Variants in FSD1 observed in about 807,000 individuals in gnomAD.
FSD1 encodes fibronectin type III and SPRY domain containing 1.
Under a neutral mutation model 58.2 loss-of-function variants are expected in FSD1, and 23 were observed. That is an observed-to-expected ratio of 0.40 (90% confidence interval 0.28 to 0.56). The LOEUF is 0.56. FSD1 is among the 20% of genes least tolerant of loss of function. The pLI, the probability that FSD1 is intolerant of heterozygous loss-of-function variation, is 0.54. For synonymous variants in FSD1, 265 were observed against 263.4 expected (o/e 1.01, Z -0.06); for missense variants, 563 against 670.8 (o/e 0.84, Z 1.78).
chr19:4,315,768 C>T (rs763710675), intron 7 of FSD1, among the ~76,000 whole-genome samples: 11 of 151,970 alleles, frequency 7.2e-5, no homozygotes, highest in Non-Finnish European at 1.3e-4. Context: ...CCCGCCACCA[C>T]ACCTGGCTAA....
At chr19:4,319,032 T>C in intron 10 of FSD1, 81 bp downstream of exon 10, 6 of 1,127,520 alleles carry the variant, frequency 5.3e-6, no homozygotes, top group Non-Finnish European at 6.7e-6. Flanking sequence ...ACCTTTGCCT[T>C]TGGCTGCGGA....
chr19:4,305,060 G>A (rs113411470), intron 1 of FSD1, among the ~76,000 whole-genome samples: 8 of 93,120 alleles, frequency 8.6e-5, no homozygotes, highest in African/African-American at 2.9e-4. Context: ...CCGCGGACCA[G>A]GCGTCCCGGC....
At chr19:4,317,158 T>TTC (rs1280091782) in intron 7 of FSD1, 24 bp from the exon 8 acceptor site, 3 of 1,350,716 alleles carry the variant, frequency 2.2e-6, no homozygotes, top group Admixed American at 3.4e-5. Flanking sequence ...TACACAGTGT[T>TTC]GAAATGCCTC....
intron 10 of FSD1, among the ~76,000 whole-genome samples, chr19:4,322,484 C>T (rs1050687023): frequency 5.4e-5 from 8 of 147,882 alleles, no homozygotes; most frequent in South Asian, 2.2e-4. Flanking sequence ...TAGCAGGAAC[C>T]GAGGAGTATC....
chr19:4,312,754 T>C (rs554958084), intron 7 of FSD1, among the ~76,000 whole-genome samples: 1 of 147,876 alleles, frequency 6.8e-6, no homozygotes. Flanking sequence ...GCAGTGAGCC[T>C]AGATTGCGCC....
Position 4,306,320 on chromosome 19 carries a change from C to G in FSD1, c.234C>G (p.Tyr78Ter). The G allele has an allele frequency of 6.2e-7, 1 of 1,613,844 alleles. No homozygotes were observed. Among genetic ancestry groups the G allele is most frequent in the South Asian group, 1.1e-5 (1 of 91,056 alleles). ...KIKQDRASRT[Y>*]ELQNQLAACT... ...AACAGGACCGTGCCAGCCGTACCTA[C>G]GAGCTGCAGGTGAGGGCTGAGGGCA... Residue 78 changes from tyrosine (Y) to a stop codon, truncating the protein, a stop_gained, in exon 3 of 13, where the codon TAC becomes TAG. Transcript: ENST00000221856. LOFTEE classifies it high-confidence loss of function.
rs1297693493 is a variant in FSD1, at chr19:4,318,486, C to G, written c.940C>G (p.Pro314Ala). 2 of 1,609,836 alleles carry G rather than the reference C, an allele frequency of 1.2e-6. No individual in the cohort carries two copies. Among genetic ancestry groups the G allele is most frequent in the African/African-American group, 2.7e-5 (2 of 74,842 alleles). ...EKDGKGRTAS[P>A]INSPARGTPS... ...AGATGGCAAGGGGCGGACGGCGTCT[C>G]CCATCAACTCCCCAGCCAGGTAGCC... The change falls in exon 9 of 13, where the codon CCC (proline) becomes GCC (alanine). Residue 314 changes from proline to alanine, a missense_variant. Physicochemically the swap from Pro to Ala is conservative, Grantham distance 27. Transcript: ENST00000221856.
rs988721919 is a variant in FSD1, at chr19:4,308,596, G to A, written c.345+613G>A. Among the ~76,000 whole-genome samples the A allele has an allele frequency of 5.3e-5, 8 of 152,130 alleles. 1 individual carries two copies. Among genetic ancestry groups the A allele is most frequent in the Admixed American group, 3.9e-4 (6 of 15,254 alleles). On this transcript the variant is annotated intron_variant, in intron 4 of 12. Coordinates refer to ENST00000221856, the MANE Select transcript of FSD1 (RefSeq NM_024333.3). ...TAATTGGCCAGGCACAGGGGCTCATGCCTGTAATCCCAGCACTTTGGGAGG... is the reference window on the plus strand; with the variant it reads ...TAATTGGCCAGGCACAGGGGCTCATACCTGTAATCCCAGCACTTTGGGAGG...
intron 2 of FSD1, 24 bp from the exon 3 acceptor site, chr19:4,306,174 C>T: frequency 6.2e-7 from 1 of 1,613,760 alleles, no homozygotes; most frequent in Non-Finnish European, 8.5e-7. Flanking sequence ...CGGGCTTTGG[C>T]CGATTCTGGC....
chr19:4,307,772 G>A (rs1971638574), intron 3 of FSD1, 110 bp from the exon 4 acceptor site: 3 of 719,146 alleles, frequency 4.2e-6, no homozygotes, highest in Non-Finnish European at 6.8e-6. Flanking sequence ...TCTCTCACCT[G>A]GAGTTCGAGA....
At position 4,311,958 on chromosome 19, in the gene FSD1, C is replaced by A; in HGVS notation, c.607C>A (p.Arg203=). The change falls in exon 7 of 13, where the codon CGG becomes AGG. Residue 203 remains arginine, a synonymous_variant. Coordinates refer to ENST00000221856, the MANE Select transcript of FSD1 (RefSeq NM_024333.3). The part of the protein sequence containing the change: ...SKIDHYVLEY[R]RTNFEGPPRL... ...GATTGACCACTACGTGCTGGAGTAC[C>A]GGCGGACCAACTTCGAGGGCCCGCC... 1 of 1,613,076 alleles carries A rather than the reference C, an allele frequency of 6.2e-7. No homozygotes were observed. The highest frequency in any genetic ancestry group is 8.5e-7 in the Non-Finnish European group (1 of 1,179,992).
intron 7 of FSD1, among the ~76,000 whole-genome samples, chr19:4,315,911 G>A (rs1199173510): frequency 1.3e-5 from 2 of 151,832 alleles, no homozygotes; most frequent in Non-Finnish European, 2.9e-5. Flanking sequence ...TTATAGGTGT[G>A]AGCCACCGCG....
chr19:4,305,686 G>T (rs1971610263), intron 1 of FSD1, among the ~76,000 whole-genome samples: 1 of 152,200 alleles, frequency 6.6e-6, no homozygotes, highest in Admixed American at 6.5e-5. Flanking sequence ...TGGTGCCCAA[G>T]CTCAATAGCG....
intron 4 of FSD1, among the ~76,000 whole-genome samples, chr19:4,309,031 C>T (rs569307702): frequency 9.5e-4 from 144 of 152,214 alleles, no homozygotes; most frequent in Non-Finnish European, 1.3e-3. Context: ...GCAGAGATCG[C>T]ACCACTGCAC....
In FSD1 at chr19:4,323,116, C is replaced by T; in HGVS notation, c.1170C>T (p.Ser390=). 3 of 1,607,464 alleles carry T rather than the reference C, an allele frequency of 1.9e-6. No individual in the cohort carries two copies. The highest frequency in any genetic ancestry group is 2.2e-5 in the East Asian group (1 of 44,872). The change falls in exon 11 of 13, where the codon TCC becomes TCT. Residue 390 remains serine, a synonymous_variant. Coordinates refer to ENST00000221856, the MANE Select transcript of FSD1 (RefSeq NM_024333.3). The surrounding 1 kb of genome is among the most constrained non-coding windows in gnomAD (Gnocchi z 7.7). ...RFEQLGKTAA[S]WCLHVNNWLQ... ...AGCAACTGGGCAAGACGGCCGCCTCCTGGTGCCTGCACGTCAACAATTGGC... is the reference window on the plus strand; with the variant it reads ...AGCAACTGGGCAAGACGGCCGCCTCTTGGTGCCTGCACGTCAACAATTGGC...
intron 10 of FSD1, among the ~76,000 whole-genome samples, chr19:4,321,750 G>A (rs1396697796): frequency 6.7e-6 from 1 of 150,368 alleles, no homozygotes; most frequent in Non-Finnish European, 1.5e-5. Flanking sequence ...AATAGCTGGG[G>A]CCCAAGGAGT....
intron 6 of FSD1, chr19:4,310,939 T>C (rs777589943): frequency 1.4e-5 from 3 of 209,138 alleles, no homozygotes; most frequent in Admixed American, 5.2e-5. Context: ...ACTCACCAGG[T>C]GGGAAAATCC....
At chr19:4,320,478 G>C (rs943740354) in intron 10 of FSD1, among the ~76,000 whole-genome samples, 1 of 152,084 alleles carries the variant, frequency 6.6e-6, no homozygotes, top group Non-Finnish European at 1.5e-5. Flanking sequence ...GAACTGAGGG[G>C]TATTTGGACA....
chr19:4,319,511 G>C (rs1015859838), intron 10 of FSD1, among the ~76,000 whole-genome samples: 1 of 152,188 alleles, frequency 6.6e-6, no homozygotes, highest in Admixed American at 6.5e-5. Context: ...GTTCAGAATA[G>C]AGCTGGAGAA....
Sources: allele counts gnomAD v4.1 joint callset (sites outside exome capture counted in the v4.1 genomes callset), GRCh38; gene constraint gnomAD v4.1.1; non-coding constraint Gnocchi (gnomAD v3.1); transcripts MANE v1.5; gene names NCBI Gene and HGNC (gene_info 2026-07-23, HGNC 2026-07-21).